GAS7: variants seen among roughly 807,000 people sequenced by gnomAD.
GAS7 encodes the protein growth arrest-specific protein 7.
GAS7 carries 28 observed loss-of-function variants against 71.1 expected under a neutral mutation model. That is an observed-to-expected ratio of 0.39 (90% CI 0.29 to 0.54). GAS7 has a LOEUF of 0.54. GAS7 is among the 20% of genes least tolerant of loss of function. The pLI is 0.62. For synonymous variants in GAS7, 258 were observed against 245.8 expected (o/e 1.05, Z -0.46); for missense variants, 436 against 627.8 (o/e 0.69, Z 3.27).
chr17:9,961,425 A>G (rs1165071331), intron 4 of GAS7, among the ~76,000 whole-genome samples: 1 of 152,162 alleles, frequency 6.6e-6, no homozygotes, highest in Non-Finnish European at 1.5e-5. Flanking sequence ...CAGGAAGGGG[A>G]AAGAGTAGCC....
chr17:10,049,160 C>T (rs962319671), intron 1 of GAS7, among the ~76,000 whole-genome samples: 2 of 152,186 alleles, frequency 1.3e-5, no homozygotes, highest in Non-Finnish European at 1.5e-5. Context: ...CTTTGTTTTT[C>T]GTGTCCACCA....
chr17:9,946,780 C>T (rs1285466569), intron 6 of GAS7, 114 bp downstream of exon 6: 12 of 643,084 alleles, frequency 1.9e-5, no homozygotes, highest in South Asian at 1.1e-4. Context: ...CAGCCCTTCA[C>T]GCTCCAACGA....
At chr17:10,123,196 A>G (rs1474736113) in intron 1 of GAS7, among the ~76,000 whole-genome samples, 1 of 152,208 alleles carries the variant, frequency 6.6e-6, no homozygotes, top group Non-Finnish European at 1.5e-5. Flanking sequence ...GTCACCTGTC[A>G]GACTCTGGAA....
chr17:9,971,115 G>GGCAGGGTGCGGTAGCTCACGCCTATAAT (rs2069942620), intron 3 of GAS7, among the ~76,000 whole-genome samples: 1 of 152,154 alleles, frequency 6.6e-6, no homozygotes, highest in Non-Finnish European at 1.5e-5. Context: ...AAGGATGAAA[G>GGCAGGGTGCGGTAGCTCACGCCTATAAT]GCAGGGTGCG....
chr17:10,127,276 A>G (rs1170000574), intron 1 of GAS7, among the ~76,000 whole-genome samples: 1 of 152,138 alleles, frequency 6.6e-6, no homozygotes, highest in African/African-American at 2.4e-5. Flanking sequence ...ATGCAGCCTC[A>G]GCTTGCGTCA....
chr17:9,927,253 A>G (rs1440801231), intron 9 of GAS7, among the ~76,000 whole-genome samples: 1 of 150,956 alleles, frequency 6.6e-6, no homozygotes, highest in East Asian at 2.0e-4. Flanking sequence ...GTTCGAGACC[A>G]GCCTGGCCAA....
At chr17:10,111,552 C>A (rs61374076) in intron 1 of GAS7, among the ~76,000 whole-genome samples, 8,440 of 45,352 alleles carry the variant, frequency 0.19, 384 homozygotes, top group Non-Finnish European at 0.27. Context: ...AACAAACAAA[C>A]AAACAAAAAA....
intron 11 of GAS7, 94 bp downstream of exon 11, chr17:9,925,382 G>C (rs935282179): frequency 6.2e-6 from 8 of 1,296,914 alleles, no homozygotes; most frequent in Non-Finnish European, 6.6e-6. Flanking sequence ...TCTTGCAAAG[G>C]AGAGATGCAC....
intron 1 of GAS7, among the ~76,000 whole-genome samples, chr17:10,142,099 G>A (rs2074087133): frequency 6.6e-6 from 1 of 151,880 alleles, no homozygotes; most frequent in Non-Finnish European, 1.5e-5. Context: ...GTGGTGGCAG[G>A]TGCCTGTAGT....
At chr17:10,016,741 T>C (rs1343708874) in intron 2 of GAS7, among the ~76,000 whole-genome samples, 2 of 143,410 alleles carry the variant, frequency 1.4e-5, no homozygotes, top group Non-Finnish European at 3.0e-5. Context: ...TGGCAAAACA[T>C]CTCTACAAAA....
intron 1 of GAS7, among the ~76,000 whole-genome samples, chr17:10,035,369 C>T (rs1053430235): frequency 1.3e-5 from 2 of 152,170 alleles, no homozygotes; most frequent in South Asian, 2.1e-4. Context: ...AGCCCCAGGT[C>T]CTGCCCCAGC....
chr17:10,064,972 C>T (rs1303222037), intron 1 of GAS7, among the ~76,000 whole-genome samples: 1 of 151,116 alleles, frequency 6.6e-6, no homozygotes, highest in Non-Finnish European at 1.5e-5. Context: ...AGGTGTGTGC[C>T]ACCACACCTA....
intron 8 of GAS7, among the ~76,000 whole-genome samples, chr17:9,937,861 C>T (rs979885463): frequency 6.6e-6 from 1 of 152,150 alleles, no homozygotes; most frequent in Non-Finnish European, 1.5e-5. Context: ...ACGGAGAGGA[C>T]CTCTGGGGAC....
intron 1 of GAS7, among the ~76,000 whole-genome samples, chr17:10,051,762 G>T (rs1478523823): frequency 6.6e-6 from 1 of 152,096 alleles, no homozygotes; most frequent in Non-Finnish European, 1.5e-5. Flanking sequence ...ATGGGCAAGG[G>T]CACTCCAAGA....
intron 1 of GAS7, among the ~76,000 whole-genome samples, chr17:10,031,767 G>T (rs1427143544): frequency 6.6e-6 from 1 of 152,252 alleles, no homozygotes; most frequent in Admixed American, 6.5e-5. Flanking sequence ...ATCTGAGATG[G>T]CCCGTCCTTT....
At chr17:10,128,843 T>C (rs1055599804) in intron 1 of GAS7, among the ~76,000 whole-genome samples, 1 of 128,578 alleles carries the variant, frequency 7.8e-6, no homozygotes, top group African/African-American at 2.6e-5. Context: ...ATGGTCTCGA[T>C]CTCCTGACCT....
At chr17:10,015,707 G>A (rs918665478) in intron 2 of GAS7, among the ~76,000 whole-genome samples, 1 of 152,064 alleles carries the variant, frequency 6.6e-6, no homozygotes, top group African/African-American at 2.4e-5. Context: ...TTAGACTGCC[G>A]AGCAAAATTA....
At chr17:10,116,160 A>C (rs1012829911) in intron 1 of GAS7, among the ~76,000 whole-genome samples, 1 of 152,090 alleles carries the variant, frequency 6.6e-6, no homozygotes, top group Non-Finnish European at 1.5e-5. Flanking sequence ...AAAGTACAAA[A>C]ATTAGCCGAG....
Position 9,919,717 on chromosome 17 carries a change from CCA to C in GAS7, c.1139-14_1139-13del. 6.3e-7 allele frequency: 1 copy of C among 1,592,482 alleles called. No homozygotes were observed. Among genetic ancestry groups the C allele is most frequent in the Non-Finnish European group, 8.6e-7 (1 of 1,160,340 alleles). ...CATGAGGTCGTCTCCTGGAAAAAGA[CCA>C]CAGTCACCATCATGAAGCATCCTAT... On this transcript the variant is annotated splice_polypyrimidine_tract_variant and intron_variant, in intron 11 of 13. Transcript: ENST00000432992. The surrounding 1 kb of genome is among the most constrained non-coding windows in gnomAD (Gnocchi z 5.0).
Sources: allele counts gnomAD v4.1 joint callset (sites outside exome capture counted in the v4.1 genomes callset), GRCh38; gene constraint gnomAD v4.1.1; non-coding constraint Gnocchi (gnomAD v3.1); transcripts MANE v1.5; gene names NCBI Gene and HGNC (gene_info 2026-07-23, HGNC 2026-07-21).